Variants in SNTG2 observed in about 807,000 individuals in gnomAD.
SNTG2 encodes syntrophin gamma 2.
SNTG2 carries 74 observed loss-of-function variants against 70.9 expected under a neutral mutation model. The ratio of observed to expected loss-of-function variants is 1.04; its 90% CI spans 0.86 to 1.27. The LOEUF (loss-of-function observed/expected upper bound fraction) is 1.27. Among genes scored for constraint, SNTG2 ranks in the 50% most tolerant of loss-of-function variants. The pLI is 0.00. For synonymous variants in SNTG2, 278 were observed against 273.8 expected (o/e 1.02, Z -0.15); for missense variants, 717 against 690.7 (o/e 1.04, Z -0.43).
At chr2:1,230,876 A>G (rs944018857) in intron 9 of SNTG2, among the ~76,000 whole-genome samples, 1 of 152,106 alleles carries the variant, frequency 6.6e-6, no homozygotes, top group Non-Finnish European at 1.5e-5. Context: ...AACATAAGTT[A>G]CTTAGGATAA....
chr2:1,079,049 C>A (rs572301029), intron 1 of SNTG2, among the ~76,000 whole-genome samples: 2 of 152,170 alleles, frequency 1.3e-5, no homozygotes, highest in South Asian at 4.1e-4. Flanking sequence ...TATTTTATTT[C>A]CAAGAAATGT....
At chr2:1,212,598 G>C (rs1410236325) in intron 9 of SNTG2, among the ~76,000 whole-genome samples, 2 of 152,210 alleles carry the variant, frequency 1.3e-5, no homozygotes, top group Non-Finnish European at 2.9e-5. Flanking sequence ...TTTTAAGCAA[G>C]ATTTAGTATG....
chr2:1,161,536 A>G (rs1670278716), intron 6 of SNTG2: 1 of 152,244 alleles, frequency 6.6e-6, no homozygotes. Flanking sequence ...GCTTAGGGCC[A>G]TGATTCCAGG....
At chr2:1,033,746 A>G (rs1410693749) in intron 1 of SNTG2, among the ~76,000 whole-genome samples, 1 of 152,104 alleles carries the variant, frequency 6.6e-6, no homozygotes, top group Non-Finnish European at 1.5e-5. Flanking sequence ...CTCATACCCA[A>G]GATTGAGATT....
intron 12 of SNTG2, among the ~76,000 whole-genome samples, chr2:1,250,305 A>G (rs1245077993): frequency 2.0e-5 from 3 of 152,176 alleles, no homozygotes; most frequent in African/African-American, 2.4e-5. Flanking sequence ...CAAACCCTGT[A>G]TGTTTCCTCT....
At chr2:1,255,525 G>C (rs1678002946) in intron 12 of SNTG2, among the ~76,000 whole-genome samples, 1 of 152,004 alleles carries the variant, frequency 6.6e-6, no homozygotes, top group Non-Finnish European at 1.5e-5. Flanking sequence ...AGTCATGATG[G>C]ATACATCAAC....
At chr2:960,536 G>A (rs1660309998) in intron 1 of SNTG2, among the ~76,000 whole-genome samples, 1 of 152,336 alleles carries the variant, frequency 6.6e-6, no homozygotes, top group South Asian at 2.1e-4. Flanking sequence ...TGGGAGCACG[G>A]TGAGCTCTGA....
rs1676939940 is a variant in SNTG2, at chr2:1,239,916, C to T, written c.888+140C>T. ...GAAAATGTTGATAGGAAAACATTAG[C>T]ACATTTCAGACTGCATTTGGTGGTC... On this transcript the variant is annotated intron_variant, in intron 11 of 16. Coordinates refer to ENST00000308624, the MANE Select transcript of SNTG2 (RefSeq NM_018968.4). The T allele has an allele frequency of 9.2e-6, 10 of 1,082,598 alleles. No homozygotes were observed. In the South Asian group the frequency reaches 1.2e-4, roughly 13 times the overall value. 67.1% of individuals were successfully genotyped at this position (1,082,598 alleles called of 1,614,324 possible).
At chr2:1,346,221 T>C (rs1345235923) in intron 16 of SNTG2, among the ~76,000 whole-genome samples, 5 of 80,170 alleles carry the variant, frequency 6.2e-5, no homozygotes, top group African/African-American at 1.8e-4. Context: ...CTGGCACTTT[T>C]CCCCCTGTTC....
chr2:1,017,426 C>A lies in SNTG2; in HGVS notation c.73-66092C>A, dbSNP rs114194786. Among the ~76,000 whole-genome samples, 1,304 of 152,308 alleles carry A rather than the reference C, an allele frequency of 8.6e-3. 19 individuals are homozygous for A. The highest frequency in any genetic ancestry group is 0.03 in the African/African-American group (1,243 of 41,576). On this transcript the variant is annotated intron_variant, in intron 1 of 16. Transcript: ENST00000308624. ...ATGCAGACACATGGAGCTACGTGTACACATGCAGACACATGCAATGTGCAT... is the reference window on the plus strand; with the variant it reads ...ATGCAGACACATGGAGCTACGTGTAAACATGCAGACACATGCAATGTGCAT...
At chr2:1,135,637 G>C (rs1050668314) in intron 4 of SNTG2, among the ~76,000 whole-genome samples, 2 of 152,106 alleles carry the variant, frequency 1.3e-5, no homozygotes, top group South Asian at 2.1e-4. Flanking sequence ...CAAAAGAATC[G>C]CTTGAACCCA....
intron 8 of SNTG2, among the ~76,000 whole-genome samples, chr2:1,175,111 T>C (rs1337576499): frequency 1.3e-5 from 2 of 152,228 alleles, no homozygotes; most frequent in Non-Finnish European, 2.9e-5. Flanking sequence ...GCTTTTCACA[T>C]TAGATCTCTA....
chr2:1,081,147 A>G (rs1412379652), intron 1 of SNTG2, among the ~76,000 whole-genome samples: 1 of 152,094 alleles, frequency 6.6e-6, no homozygotes, highest in Non-Finnish European at 1.5e-5. Context: ...AGCCCCTCCC[A>G]TTGTCAAGCC....
chr2:1,020,045 A>G (rs1335464310), intron 1 of SNTG2, among the ~76,000 whole-genome samples: 1 of 152,238 alleles, frequency 6.6e-6, no homozygotes, highest in African/African-American at 2.4e-5. Context: ...TCCATCTCAA[A>G]GAAAAACAAC....
chr2:1,111,618 T>A (rs534488083), intron 4 of SNTG2, among the ~76,000 whole-genome samples: 1 of 152,246 alleles, frequency 6.6e-6, no homozygotes, highest in Non-Finnish European at 1.5e-5. Flanking sequence ...AAATACTTTT[T>A]AATTTAAATA....
chr2:1,256,068 T>C (rs1332681164), intron 12 of SNTG2, among the ~76,000 whole-genome samples: 1 of 151,148 alleles, frequency 6.6e-6, no homozygotes, highest in Non-Finnish European at 1.5e-5. Context: ...ATAGGGTGTA[T>C]TTACAGAAAC....
intron 14 of SNTG2, among the ~76,000 whole-genome samples, chr2:1,279,050 G>A (rs959602930): frequency 3.9e-5 from 4 of 102,186 alleles, no homozygotes; most frequent in African/African-American, 1.3e-4. Context: ...GTCAGTGCGC[G>A]ATTCACCCCT....
chr2:1,044,555 C>G (rs1661618794), intron 1 of SNTG2, among the ~76,000 whole-genome samples: 1 of 152,050 alleles, frequency 6.6e-6, no homozygotes, highest in African/African-American at 2.4e-5. Flanking sequence ...TATTCTGAGA[C>G]AATTTCCTTC....
At chr2:1,347,210 A>T (rs776443311) in intron 16 of SNTG2, among the ~76,000 whole-genome samples, 3 of 152,150 alleles carry the variant, frequency 2.0e-5, no homozygotes, top group South Asian at 4.1e-4. Context: ...CACTAACCCT[A>T]CCCAGGCATC....
Sources: allele counts gnomAD v4.1 joint callset (sites outside exome capture counted in the v4.1 genomes callset), GRCh38; gene constraint gnomAD v4.1.1; transcripts MANE v1.5; gene names NCBI Gene and HGNC (gene_info 2026-07-23, HGNC 2026-07-21).